The following GUCY2F variants were observed in gnomAD, a reference collection of about 807,000 sequenced individuals.
GUCY2F encodes guanylate cyclase 2F, retinal, also known as retinal guanylyl cyclase 2.
In GUCY2F, 61 loss-of-function variants were observed where a neutral mutation model predicts 73.1. The observed-to-expected ratio is 0.83, with a 90% CI of 0.68 to 1.03. GUCY2F has a LOEUF of 1.03. Ranked by LOEUF, GUCY2F falls within the 50% of genes least tolerant of loss-of-function variation. The pLI is 0.00. For missense variants in GUCY2F, 912 were observed against 854.3 expected, an observed-to-expected ratio of 1.07 and a Z score of -0.84; for synonymous variants, 331 against 307.8, an observed-to-expected ratio of 1.08 and a Z score of -0.79.
chrX:109,400,511 T>C (rs1259727974), intron 10 of GUCY2F, among the ~76,000 whole-genome samples: 1 of 111,996 alleles, frequency 8.9e-6, no homozygotes, highest in East Asian at 2.8e-4. Flanking sequence ...GGTGAGAGAT[T>C]ATTTTGGTTT....
chrX:109,376,797 T>G (rs745476184), intron 17 of GUCY2F, among the ~76,000 whole-genome samples: 35 of 111,543 alleles, frequency 3.1e-4, no homozygotes, highest in Admixed American at 4.7e-4. Context: ...AGGGCCTGAG[T>G]GATGACCTCA....
chrX:109,403,091 T>A (rs762010632), intron 10 of GUCY2F, among the ~76,000 whole-genome samples: 1 of 112,145 alleles, frequency 8.9e-6, no homozygotes, highest in Admixed American at 9.4e-5. Context: ...TGTGTCACTA[T>A]CTCTCTTCTT....
intron 1 of GUCY2F, among the ~76,000 whole-genome samples, chrX:109,478,840 G>C (rs1273997574): frequency 2.7e-5 from 3 of 112,459 alleles, no homozygotes; most frequent in African/African-American, 6.5e-5. Flanking sequence ...CACCCCAGTT[G>C]ATTGAGCCCT....
chrX:109,478,222 A>G (rs775613035), intron 1 of GUCY2F, among the ~76,000 whole-genome samples: 2 of 112,369 alleles, frequency 1.8e-5, no homozygotes, highest in Non-Finnish European at 3.8e-5. Context: ...TCAGGCTTCA[A>G]AGAGCTCCCA....
chrX:109,398,469 G>T, intron 11 of GUCY2F, 80 bp downstream of exon 11: 1 of 936,490 alleles, frequency 1.1e-6, no homozygotes, highest in Non-Finnish European at 1.5e-6. Context: ...CACTCTTCTG[G>T]AAAATCATGA....
intron 8 of GUCY2F, among the ~76,000 whole-genome samples, chrX:109,423,207 C>T (rs1931406992): frequency 8.9e-6 from 1 of 112,089 alleles, no homozygotes; most frequent in Non-Finnish European, 1.9e-5. Context: ...GCAGATAATA[C>T]ATGGTTTCTG....
At chrX:109,422,236 T>A (rs116328667) in intron 8 of GUCY2F, among the ~76,000 whole-genome samples, 2 of 111,690 alleles carry the variant, frequency 1.8e-5, no homozygotes, top group African/African-American at 6.5e-5. Flanking sequence ...TATACCTGAA[T>A]AGAAAACATA....
intron 8 of GUCY2F, among the ~76,000 whole-genome samples, chrX:109,425,777 C>A (rs1232386768): frequency 9.0e-6 from 1 of 110,674 alleles, no homozygotes; most frequent in Non-Finnish European, 1.9e-5. Context: ...CCAAATACTA[C>A]CTGTTCCCCC....
At chrX:109,480,988 G>A (rs1932760830) in intron 1 of GUCY2F, among the ~76,000 whole-genome samples, 1 of 99,692 alleles carries the variant, frequency 1.0e-5, no homozygotes, top group African/African-American at 3.7e-5. Flanking sequence ...GAGGGAAGGA[G>A]GGAAGAAGAG....
At chrX:109,437,905 T>G (rs1931788761) in intron 7 of GUCY2F, among the ~76,000 whole-genome samples, 1 of 112,274 alleles carries the variant, frequency 8.9e-6, no homozygotes, top group African/African-American at 3.2e-5. Context: ...TTTGAGAGAG[T>G]AGAGCTGACA....
chrX:109,419,761 A>C (rs1931320682), intron 8 of GUCY2F, among the ~76,000 whole-genome samples: 1 of 110,670 alleles, frequency 9.0e-6, no homozygotes, highest in Non-Finnish European at 1.9e-5. Context: ...ATGTCTCTAT[A>C]AATTCATTGC....
At position 109,460,272 on chromosome X, in the gene GUCY2F, G is replaced by C. The variant is rs188288261; in HGVS notation, c.1032+4870C>G. Among the ~76,000 whole-genome samples, 361 of 111,416 alleles carry C rather than the reference G, an allele frequency of 3.2e-3. 1 individual carries two copies. Among genetic ancestry groups the C allele is most frequent in the Non-Finnish European group, 5.8e-3 (307 of 52,882 alleles). ...AAGGAATCAGCTTCTAGATTGAAAG[G>C]CTCCACCAATACAGCATATCATGTG... is the stretch of plus-strand genomic sequence containing the variant. On this transcript the variant is annotated intron_variant, in intron 3 of 19. Coordinates refer to ENST00000218006, the MANE Select transcript of GUCY2F (RefSeq NM_001522.3).
In GUCY2F at chrX:109,388,657, T is replaced by C. The variant is rs763273160; in HGVS notation, c.2788A>G (p.Thr930Ala). 91 of 1,174,199 alleles carry C rather than the reference T, an allele frequency of 7.7e-5. No homozygotes were observed. Among genetic ancestry groups the C allele is most frequent in the Non-Finnish European group, 1.1e-4 (91 of 864,364 alleles). Residue 930 changes from threonine to alanine, a missense_variant, in exon 15 of 20, where the codon ACC (threonine) becomes GCC (alanine). Transcript: ENST00000218006. ...GCCACCATGTAGGCATCTCCAATGG[T>C]CTCTACCTGGGAATTAGGAAAAATA... Reference protein sequence around the residue: ...IGSHDVYKVETIGDAYMVASG... With the variant: ...IGSHDVYKVEAIGDAYMVASG...
At chrX:109,459,021 G>A (rs910173924) in intron 3 of GUCY2F, among the ~76,000 whole-genome samples, 1 of 111,022 alleles carries the variant, frequency 9.0e-6, no homozygotes, top group African/African-American at 3.3e-5. Flanking sequence ...AATATCACAT[G>A]CACCCTTTTG....
At chrX:109,425,335 TTGTGTGTG>T (rs755304809) in intron 8 of GUCY2F, among the ~76,000 whole-genome samples, 45 of 98,203 alleles carry the variant, frequency 4.6e-4, no homozygotes, top group Non-Finnish European at 7.9e-4. Flanking sequence ...AAAGAAATTG[TTGTGTGTG>T]TGTGTGTGTG....
intron 7 of GUCY2F, among the ~76,000 whole-genome samples, chrX:109,437,435 A>T (rs1425542685): frequency 8.9e-6 from 1 of 112,586 alleles, no homozygotes; most frequent in East Asian, 2.8e-4. Flanking sequence ...CCAGTTACAT[A>T]CAGATGTTTA....
intron 3 of GUCY2F, among the ~76,000 whole-genome samples, chrX:109,456,274 G>C (rs1248599787): frequency 9.0e-6 from 1 of 111,667 alleles, no homozygotes; most frequent in Non-Finnish European, 1.9e-5. Context: ...TTTTCTGGGG[G>C]CTTTGGTAGG....
Position 109,475,201 on chromosome X carries a change from A to C in GUCY2F, c.730+6T>G. The C allele has an allele frequency of 8.4e-7, 1 of 1,193,010 alleles. No homozygotes were observed. The highest frequency in any genetic ancestry group is 1.1e-6 in the Non-Finnish European group (1 of 884,912). On this transcript the variant is annotated splice_donor_region_variant and intron_variant, in intron 2 of 19. Coordinates refer to ENST00000218006, the MANE Select transcript of GUCY2F (RefSeq NM_001522.3). ...CGTTTAAATTTCAGCGGGAGAAAGC[A>C]CTCACTGCGAATTCTGTCTGCCTGG...
rs755304809 is a variant in GUCY2F at position 109,425,335 on chromosome X, T to TTGTG, written c.1791+4968_1791+4971dup. Among the ~76,000 whole-genome samples, 727 of 98,194 alleles carry TTGTG rather than the reference T, an allele frequency of 7.4e-3. 1 individual carries two copies. Among genetic ancestry groups the TTGTG allele is most frequent in the African/African-American group, 0.016 (422 of 26,941 alleles). 85.3% of individuals were successfully genotyped at this position (98,194 alleles called of 115,157 possible). On this transcript the variant is annotated intron_variant, in intron 8 of 19. Coordinates refer to ENST00000218006, the MANE Select transcript of GUCY2F (RefSeq NM_001522.3). ...AATCAACGAGTGGATAAAGAAATTG[T>TTGTG]TGTGTGTGTGTGTGTGTGTGTGTGT...
Sources: allele counts gnomAD v4.1 joint callset (sites outside exome capture counted in the v4.1 genomes callset), GRCh38; gene constraint gnomAD v4.1.1; transcripts MANE v1.5; gene names NCBI Gene and HGNC (gene_info 2026-07-23, HGNC 2026-07-21).